The following AKAP12 variants were observed in gnomAD, a reference collection of about 807,000 sequenced individuals.
The protein encoded by AKAP12 is A-kinase anchor protein 12.
Under a neutral mutation model 79.9 loss-of-function variants are expected in AKAP12, and 32 were observed. That is an observed-to-expected ratio of 0.40 (90% CI 0.30 to 0.54). The LOEUF is 0.54. Among genes scored for constraint, AKAP12 ranks in the 20% least tolerant of loss-of-function variants. The pLI is 0.48. For missense variants in AKAP12, 2,074 were observed against 2,177.0 expected, an observed-to-expected ratio of 0.95 and a Z score of 0.94; for synonymous variants, 808 against 857.0, an observed-to-expected ratio of 0.94 and a Z score of 1.00.
chr6:151,279,025 A>G (rs1776346408), intron 2 of AKAP12, among the ~76,000 whole-genome samples: 1 of 152,152 alleles, frequency 6.6e-6, no homozygotes, highest in Non-Finnish European at 1.5e-5. Flanking sequence ...TCTTCATTAA[A>G]ACTTACTTCA....
At chr6:151,247,300 C>T (rs1336858415) in intron 2 of AKAP12, among the ~76,000 whole-genome samples, 1 of 152,008 alleles carries the variant, frequency 6.6e-6, no homozygotes, top group African/African-American at 2.4e-5. Context: ...ACTTGGAAGG[C>T]TGAGGTGAGA....
intron 2 of AKAP12, among the ~76,000 whole-genome samples, chr6:151,294,574 C>T (rs759802697): frequency 3.9e-5 from 6 of 152,286 alleles, no homozygotes; most frequent in Middle Eastern, 3.4e-3. Flanking sequence ...TTTCACAGAA[C>T]GGAATTCTGG....
At chr6:151,307,278 A>G (rs1350581130) in intron 3 of AKAP12, among the ~76,000 whole-genome samples, 1 of 152,214 alleles carries the variant, frequency 6.6e-6, no homozygotes, top group Non-Finnish European at 1.5e-5. Context: ...ATTGTTCCCA[A>G]GATGCAAATC....
intron 2 of AKAP12, among the ~76,000 whole-genome samples, chr6:151,249,756 A>C (rs1797140201): frequency 6.6e-6 from 1 of 152,220 alleles, no homozygotes; most frequent in African/African-American, 2.4e-5. Flanking sequence ...TTTACTTTTA[A>C]ATTTTTTCTG....
intron 2 of AKAP12, among the ~76,000 whole-genome samples, chr6:151,286,707 C>T (rs1020483558): frequency 1.3e-5 from 2 of 151,952 alleles, no homozygotes; most frequent in Admixed American, 6.6e-5. Flanking sequence ...ATGAACCAAA[C>T]GAGCCACTTT....
At chr6:151,288,164 C>G (rs907488443) in intron 2 of AKAP12, among the ~76,000 whole-genome samples, 6 of 151,264 alleles carry the variant, frequency 4.0e-5, no homozygotes, top group Non-Finnish European at 8.8e-5. Flanking sequence ...GTATACCTCT[C>G]TAACAAACCT....
chr6:151,259,511 T>C (rs11758814), intron 2 of AKAP12, among the ~76,000 whole-genome samples: 34,126 of 100,824 alleles, frequency 0.34, 5,799 homozygotes, highest in East Asian at 0.54. Flanking sequence ...TATATATATA[T>C]ACACACACAC....
intron 2 of AKAP12, among the ~76,000 whole-genome samples, chr6:151,287,897 A>T (rs1212238032): frequency 6.6e-6 from 1 of 152,210 alleles, no homozygotes; most frequent in Admixed American, 6.5e-5. Flanking sequence ...AGAAAGGACG[A>T]GTTCATGTCC....
In AKAP12 at chr6:151,270,904, G is replaced by A. The variant is rs536103923; in HGVS notation, c.162+30180G>A. ...ATGACAGACATCATGATGAATCCAA[G>A]TGAGCATTATGCACTCGTAGCAATC... On this transcript the variant is annotated intron_variant, in intron 2 of 4. Transcript: ENST00000402676. Among the ~76,000 whole-genome samples, 8 of 152,306 alleles carry A rather than the reference G, an allele frequency of 5.3e-5. No individual in the cohort carries two copies. The South Asian group carries it at 1.7e-3, about 32-fold the overall frequency.
chr6:151,346,728 G>A (rs920631720), intron 3 of AKAP12, among the ~76,000 whole-genome samples: 1 of 152,190 alleles, frequency 6.6e-6, no homozygotes, highest in Non-Finnish European at 1.5e-5. Flanking sequence ...TATTCTGAAT[G>A]TACGTTTCCT....
At chr6:151,319,257 T>C (rs1777306267) in intron 3 of AKAP12, among the ~76,000 whole-genome samples, 1 of 152,092 alleles carries the variant, frequency 6.6e-6, no homozygotes. Context: ...TATACAAACA[T>C]GTCCAGTTCA....
At chr6:151,316,251 G>C (rs1203730852) in intron 3 of AKAP12, among the ~76,000 whole-genome samples, 1 of 152,146 alleles carries the variant, frequency 6.6e-6, no homozygotes, top group Non-Finnish European at 1.5e-5. Flanking sequence ...CCGACCTCTA[G>C]TGTTAACCAG....
At chr6:151,282,455 C>T (rs1368188375) in intron 2 of AKAP12, among the ~76,000 whole-genome samples, 2 of 152,104 alleles carry the variant, frequency 1.3e-5, no homozygotes, top group Non-Finnish European at 2.9e-5. Context: ...TGGGGGTTTT[C>T]CAGCCCACAT....
chr6:151,240,770 G>T, intron 2 of AKAP12, 46 bp downstream of exon 2: 1 of 1,130,636 alleles, frequency 8.8e-7, no homozygotes, highest in Non-Finnish European at 1.1e-6. Flanking sequence ...CGGGTCTTTG[G>T]GGGTGGGGGT....
intron 2 of AKAP12, among the ~76,000 whole-genome samples, chr6:151,260,204 T>G (rs868085553): frequency 9.2e-5 from 14 of 152,338 alleles, no homozygotes; most frequent in Middle Eastern, 6.8e-3. Flanking sequence ...CTATTCCCTA[T>G]GTTACCAACA....
At chr6:151,283,250 G>A (rs146078220) in intron 2 of AKAP12, among the ~76,000 whole-genome samples, 233 of 152,288 alleles carry the variant, frequency 1.5e-3, no homozygotes, top group African/African-American at 5.3e-3. Context: ...ACCATGAAAT[G>A]CTAAAGCTTG....
intron 3 of AKAP12, among the ~76,000 whole-genome samples, chr6:151,332,374 T>A (rs1313631814): frequency 6.6e-6 from 1 of 152,116 alleles, no homozygotes; most frequent in Non-Finnish European, 1.5e-5. Flanking sequence ...CATGCAGAGA[T>A]CCCTCCTTCT....
chr6:151,284,446 C>T (rs141072167), intron 2 of AKAP12, among the ~76,000 whole-genome samples: 10 of 152,172 alleles, frequency 6.6e-5, no homozygotes, highest in East Asian at 3.9e-4. Context: ...GGCAACATGG[C>T]GAAACCCTGT....
At chr6:151,302,420 A>G (rs1288422058) in intron 2 of AKAP12, among the ~76,000 whole-genome samples, 1 of 152,098 alleles carries the variant, frequency 6.6e-6, no homozygotes, top group Admixed American at 6.6e-5. Flanking sequence ...TCAGTCTCCT[A>G]AGTGCTGGGA....
Sources: allele counts gnomAD v4.1 joint callset (sites outside exome capture counted in the v4.1 genomes callset), GRCh38; gene constraint gnomAD v4.1.1; transcripts MANE v1.5; gene names NCBI Gene and HGNC (gene_info 2026-07-23, HGNC 2026-07-21).